VPS13B: variants seen among roughly 807,000 people sequenced by gnomAD.
The protein encoded by VPS13B is intermembrane lipid transfer protein VPS13B.
Under a neutral mutation model 426.4 loss-of-function variants are expected in VPS13B, and 285 were observed. The observed-to-expected ratio is 0.67, with a 90% CI of 0.61 to 0.74. VPS13B has a LOEUF of 0.74. Among genes scored for constraint, VPS13B ranks in the 30% least tolerant of loss-of-function variants. The pLI, the probability that VPS13B is intolerant of heterozygous loss-of-function variation, is 0.00. For synonymous variants in VPS13B, 1,676 were observed against 1,676.4 expected (o/e 1.00, Z 0.01); for missense variants, 4,537 against 4,782.6 (o/e 0.95, Z 1.51).
chr8:99,178,566 A>C (rs1197788117), intron 16 of VPS13B, among the ~76,000 whole-genome samples: 1 of 152,114 alleles, frequency 6.6e-6, no homozygotes, highest in Non-Finnish European at 1.5e-5. Context: ...GTGATATGGT[A>C]GACCTAGAGA....
chr8:99,733,787 C>A (rs1588665220), intron 39 of VPS13B, among the ~76,000 whole-genome samples: 1 of 152,272 alleles, frequency 6.6e-6, no homozygotes, highest in South Asian at 2.1e-4. Context: ...TTTCTAGCAA[C>A]ATTTTTAAAT....
chr8:99,028,819 A>G (rs1164118042), intron 2 of VPS13B, among the ~76,000 whole-genome samples: 1 of 71,258 alleles, frequency 1.4e-5, no homozygotes, highest in South Asian at 6.8e-4. Flanking sequence ...CTCACCTCCC[A>G]GATGGGGCGG....
chr8:99,579,139 A>G (rs533486597), intron 33 of VPS13B, among the ~76,000 whole-genome samples: 1 of 152,198 alleles, frequency 6.6e-6, no homozygotes, highest in Non-Finnish European at 1.5e-5. Context: ...TACAGGCTAT[A>G]TAATGAGAAA....
At chr8:99,018,223 T>C (rs1841717592) in intron 2 of VPS13B, among the ~76,000 whole-genome samples, 1 of 152,058 alleles carries the variant, frequency 6.6e-6, no homozygotes, top group South Asian at 2.1e-4. Flanking sequence ...TCGTCTCTAC[T>C]AAAAATACAA....
intron 25 of VPS13B, among the ~76,000 whole-genome samples, chr8:99,495,536 A>G (rs1209640151): frequency 2.0e-5 from 3 of 152,298 alleles, no homozygotes; most frequent in African/African-American, 4.8e-5. Flanking sequence ...AACTTCTTCT[A>G]TGAAGCCCTT....
intron 34 of VPS13B, among the ~76,000 whole-genome samples, chr8:99,651,115 C>A (rs1829797305): frequency 6.6e-6 from 1 of 151,980 alleles, no homozygotes; most frequent in Non-Finnish European, 1.5e-5. Flanking sequence ...CCCCTGTGAA[C>A]AACAAGGGAT....
rs749837773 is a variant in VPS13B at position 99,817,759 on chromosome 8, G to A, written c.8317G>A (p.Val2773Met). 1.2e-6 allele frequency: 2 copies of A among 1,613,996 alleles called. No homozygotes were observed. The highest frequency in any genetic ancestry group is 2.2e-5 in the East Asian group (1 of 44,872). ...AGGAGATGAAGACTGGTCAAGAGAT[G>A]TGTGCCTGGAATCCAAAGCCCCTGA... ...AKGDEDWSRD[V>M]CLESKAPEYS... The change falls in exon 45 of 62, where the codon GTG becomes ATG. Residue 2773 changes from valine to methionine, a missense_variant. By Grantham distance (21) the Val-to-Met change is conservative (BLOSUM62 1). Transcript: ENST00000357162.
intron 31 of VPS13B, among the ~76,000 whole-genome samples, chr8:99,556,959 T>C (rs1002269243): frequency 1.1e-4 from 16 of 145,038 alleles, no homozygotes; most frequent in African/African-American, 4.0e-4. Context: ...TAAAATCTAT[T>C]GTATTTGGGG....
intron 21 of VPS13B, among the ~76,000 whole-genome samples, chr8:99,402,843 G>A (rs1406033303): frequency 6.6e-6 from 1 of 152,212 alleles, no homozygotes; most frequent in Non-Finnish European, 1.5e-5. Context: ...TATGCTTAAA[G>A]CATTGTGGGA....
chr8:99,122,236 A>G (rs1001931422), intron 8 of VPS13B, among the ~76,000 whole-genome samples: 1 of 151,686 alleles, frequency 6.6e-6, no homozygotes, highest in Non-Finnish European at 1.5e-5. Flanking sequence ...TCAAGACAAA[A>G]TTGTTAACTA....
chr8:99,312,387 T>A (rs937526477), intron 19 of VPS13B, among the ~76,000 whole-genome samples: 3 of 152,206 alleles, frequency 2.0e-5, no homozygotes, highest in Non-Finnish European at 4.4e-5. Flanking sequence ...CTCTCAGCAT[T>A]TGCTTGTCTG....
At chr8:99,432,078 A>G (rs1817144819) in intron 22 of VPS13B, among the ~76,000 whole-genome samples, 1 of 152,070 alleles carries the variant, frequency 6.6e-6, no homozygotes, top group Non-Finnish European at 1.5e-5. Context: ...TTAAATATGA[A>G]AATTATAATA....
At chr8:99,330,645 T>C (rs573461344) in intron 19 of VPS13B, among the ~76,000 whole-genome samples, 8 of 151,990 alleles carry the variant, frequency 5.3e-5, no homozygotes, top group African/African-American at 1.9e-4. Context: ...TTTTCTTCCT[T>C]CTAAGTTGTG....
intron 3 of VPS13B, among the ~76,000 whole-genome samples, chr8:99,080,018 G>A (rs1387120531): frequency 6.7e-6 from 1 of 150,044 alleles, no homozygotes; most frequent in African/African-American, 2.4e-5. Flanking sequence ...AATTAATAAT[G>A]TGTAAATATA....
chr8:99,823,445 T>TGAG (rs950154314), intron 50 of VPS13B, among the ~76,000 whole-genome samples: 40 of 151,904 alleles, frequency 2.6e-4, no homozygotes, highest in African/African-American at 7.5e-4. Context: ...TGGGAGACCA[T>TGAG]GAGGAGGAGG....
intron 6 of VPS13B, among the ~76,000 whole-genome samples, chr8:99,114,424 A>G (rs558023585): frequency 9.8e-5 from 15 of 152,304 alleles, no homozygotes; most frequent in Non-Finnish European, 2.2e-4. Context: ...TCTACTGAGT[A>G]TTAATCTTAC....
intron 19 of VPS13B, among the ~76,000 whole-genome samples, chr8:99,356,347 C>T (rs1475166546): frequency 6.6e-6 from 1 of 152,032 alleles, no homozygotes; most frequent in Non-Finnish European, 1.5e-5. Flanking sequence ...AAGTAAAATA[C>T]TTAAAAACAA....
intron 31 of VPS13B, among the ~76,000 whole-genome samples, chr8:99,568,629 A>G (rs79005572): frequency 0.02 from 3,086 of 151,908 alleles, 112 homozygotes; most frequent in African/African-American, 0.071. Context: ...GATTTAAATT[A>G]TTTATCTTTA....
chr8:99,111,811 T>G (rs1213634724), intron 6 of VPS13B, among the ~76,000 whole-genome samples: 2 of 152,294 alleles, frequency 1.3e-5, no homozygotes, highest in South Asian at 4.1e-4. Flanking sequence ...TTATTTTTTA[T>G]CTGCATTTTC....
Sources: gnomAD v4.1 joint callset for allele counts (sites outside exome capture counted in the v4.1 genomes callset) on GRCh38, gnomAD v4.1.1 for gene constraint, MANE v1.5 for transcripts, NCBI Gene and HGNC (gene_info 2026-07-23, HGNC 2026-07-21) for gene names.